Variants in MYRFL observed in about 807,000 individuals in gnomAD.
The protein encoded by MYRFL is myelin regulatory factor like.
MYRFL carries 88 observed loss-of-function variants against 109.4 expected under a neutral mutation model. The ratio of observed to expected loss-of-function variants is 0.80; its 90% CI spans 0.68 to 0.96. The LOEUF is 0.96. Among genes scored for constraint, MYRFL ranks in the 40% least tolerant of loss-of-function variants. MYRFL has a pLI of 0.00. For synonymous variants in MYRFL, 324 were observed against 320.9 expected (o/e 1.01, Z -0.10); for missense variants, 957 against 954.9 (o/e 1.00, Z -0.03).
intron 23 of MYRFL, 126 bp from the exon 24 acceptor site, chr12:69,958,123 C>A: frequency 8.6e-7 from 1 of 1,163,326 alleles, no homozygotes; most frequent in African/African-American, 1.5e-5. Flanking sequence ...CTAGCAACAC[C>A]CATCAAAAGC....
chr12:69,943,582 A>G (rs547386413), intron 19 of MYRFL, among the ~76,000 whole-genome samples: 15 of 151,848 alleles, frequency 9.9e-5, no homozygotes, highest in Admixed American at 2.6e-4. Context: ...TAAAAACCCT[A>G]GAAGAAAACC....
chr12:69,851,156 T>C (rs1297766750), intron 1 of MYRFL, among the ~76,000 whole-genome samples: 3 of 152,230 alleles, frequency 2.0e-5, no homozygotes, highest in African/African-American at 4.8e-5. Flanking sequence ...AACTAGCCTG[T>C]ACTTTTTGAA....
At chr12:69,850,518 G>A (rs1683791703) in intron 1 of MYRFL, among the ~76,000 whole-genome samples, 1 of 151,960 alleles carries the variant, frequency 6.6e-6, no homozygotes, top group African/African-American at 2.4e-5. Flanking sequence ...TAAGGAAAGG[G>A]GATTTAGAAA....
intron 22 of MYRFL, 30 bp downstream of exon 22, chr12:69,955,467 A>G (rs1956072144): frequency 3.6e-6 from 2 of 563,312 alleles, no homozygotes; most frequent in South Asian, 2.5e-5. Flanking sequence ...AAACAATTTC[A>G]TTTTTATCAT....
chr12:69,927,052 C>G (rs1955119649), intron 14 of MYRFL, among the ~76,000 whole-genome samples: 2 of 143,902 alleles, frequency 1.4e-5, no homozygotes, highest in Non-Finnish European at 3.0e-5. Context: ...TCAAGGGATT[C>G]TCCTGCCTCA....
intron 7 of MYRFL, among the ~76,000 whole-genome samples, chr12:69,892,017 G>A (rs903233820): frequency 3.3e-5 from 5 of 151,990 alleles, no homozygotes; most frequent in African/African-American, 9.7e-5. Flanking sequence ...AAAATGGCAC[G>A]GCATCATTCA....
At chr12:69,957,773 G>A in intron 22 of MYRFL, 49 bp from the exon 23 acceptor site, 1 of 1,495,524 alleles carries the variant, frequency 6.7e-7, no homozygotes, top group Non-Finnish European at 8.9e-7. Context: ...CCTAGTAGAA[G>A]CTGGTAACTG....
Position 69,936,078 on chromosome 12 carries a change from G to GTTTTTTTTTTTTTTTTT in MYRFL, c.1917-22_1917-6dup. 1.8e-5 allele frequency: 16 copies of GTTTTTTTTTTTTTTTTT among 891,622 alleles called. 4 individuals are homozygous for GTTTTTTTTTTTTTTTTT. Among genetic ancestry groups the GTTTTTTTTTTTTTTTTT allele is most frequent in the Admixed American group, 1.0e-4 (2 of 19,484 alleles). 55.2% of individuals were successfully genotyped at this position (891,622 alleles called of 1,614,324 possible). A position where few individuals can be genotyped will look rare whatever the true frequency, so the allele number is the denominator to read the frequency against. ...TCTGGAAACAAATCTGCCACATAAT[G>GTTTTTTTTTTTTTTTTT]TTTTTTTTTTTTTTTTTTTTTTTTT... is the stretch of plus-strand genomic sequence containing the variant. On this transcript the variant is annotated intron_variant, in intron 16 of 24. Coordinates refer to ENST00000552032, the MANE Select transcript of MYRFL (RefSeq NM_182530.3).
At chr12:69,909,933 A>G (rs1250379361) in intron 11 of MYRFL, 36 bp from the exon 12 acceptor site, 1 of 1,390,704 alleles carries the variant, frequency 7.2e-7, no homozygotes, top group African/African-American at 1.4e-5. Context: ...GCAAATATCT[A>G]TGCGAGTAAA....
chr12:69,952,055 G>A (rs1451163529), intron 19 of MYRFL, 58 bp from the exon 20 acceptor site: 6 of 1,435,372 alleles, frequency 4.2e-6, no homozygotes, highest in Non-Finnish European at 5.7e-6. Flanking sequence ...TCACACATGG[G>A]GTTTCTTCTC....
chr12:69,880,783 T>C (rs1431319913), intron 5 of MYRFL, among the ~76,000 whole-genome samples: 1 of 152,186 alleles, frequency 6.6e-6, no homozygotes, highest in African/African-American at 2.4e-5. Context: ...GAAGGCACTC[T>C]GAGAAGCAAG....
In MYRFL at chr12:69,846,106, CTTTTTTTTTTTTTT is replaced by C. The variant is rs60251292; in HGVS notation, c.47-9160_47-9147del. Among the ~76,000 whole-genome samples, 15 of 61,724 alleles carry C rather than the reference CTTTTTTTTTTTTTT, an allele frequency of 2.4e-4. No individual in the cohort carries two copies. In the South Asian group the frequency reaches 5.5e-3, roughly 23 times the overall value. 40.5% of individuals were successfully genotyped at this position (61,724 alleles called of 152,430 possible). On this transcript the variant is annotated intron_variant, in intron 1 of 24. Transcript: ENST00000552032. The stretch of plus-strand genomic sequence containing the variant: ...CTTTTAGATATTGGCTATTGACTAT[CTTTTTTTTTTTTTT>C]TTTTTTTTTTTTTATGACTGCCACA...
At chr12:69,908,698 G>A (rs11177960) in intron 11 of MYRFL, among the ~76,000 whole-genome samples, 24,501 of 152,086 alleles carry the variant, frequency 0.16, 2,312 homozygotes, top group Non-Finnish European at 0.22. Flanking sequence ...ATATGATTAC[G>A]TATGTATCTA....
chr12:69,936,318 C>T lies in MYRFL; in HGVS notation c.2027C>T (p.Pro676Leu), dbSNP rs1351414089. The stretch of plus-strand genomic sequence containing the variant: ...AGCTCACAGGAGCCAGCTCTGCTGC[C>T]CACAGCCTCCTCCTCAGGTAAAGGC... ...ITSSQEPALLPTASSSAPNTS... is the reference protein window; with the variant it reads ...ITSSQEPALLLTASSSAPNTS... The change falls in exon 18 of 25, where the codon CCC (proline) becomes CTC (leucine). Residue 676 changes from proline (P) to leucine (L), a missense_variant. Coordinates refer to ENST00000552032, the MANE Select transcript of MYRFL (RefSeq NM_182530.3). The T allele has an allele frequency of 6.5e-7, 1 of 1,536,160 alleles. No individual in the cohort carries two copies. The highest frequency in any genetic ancestry group is 2.4e-5 in the East Asian group (1 of 40,888).
chr12:69,897,955 G>T (rs530533481), intron 10 of MYRFL, among the ~76,000 whole-genome samples: 70 of 152,356 alleles, frequency 4.6e-4, no homozygotes, highest in African/African-American at 1.6e-3. Flanking sequence ...GGTGGCTGCA[G>T]CTGCAGCTGT....
intron 13 of MYRFL, among the ~76,000 whole-genome samples, chr12:69,920,443 A>G (rs1954874582): frequency 6.6e-6 from 1 of 152,160 alleles, no homozygotes; most frequent in African/African-American, 2.4e-5. Flanking sequence ...CAACACTATG[A>G]CCTTTCAGTG....
At chr12:69,867,775 T>TAGGTGGAGTTCTGTGAGAAGAGC in intron 2 of MYRFL, among the ~76,000 whole-genome samples, 1 of 152,094 alleles carries the variant, frequency 6.6e-6, no homozygotes, top group South Asian at 2.1e-4. Flanking sequence ...CGTGAGAGAG[T>TAGGTGGAGTTCTGTGAGAAGAGC]ACGTGGAGTT....
At chr12:69,930,609 A>C (rs1023082967) in intron 15 of MYRFL, among the ~76,000 whole-genome samples, 1 of 152,052 alleles carries the variant, frequency 6.6e-6, no homozygotes, top group Non-Finnish European at 1.5e-5. Context: ...ACTTGAGCCC[A>C]GGAGTTCAAG....
chr12:69,882,786 C>T (rs561894399), intron 5 of MYRFL, among the ~76,000 whole-genome samples: 8 of 152,142 alleles, frequency 5.3e-5, no homozygotes, highest in Non-Finnish European at 1.0e-4. Context: ...CTTCAATCTT[C>T]TCTTATTTTG....
Sources: gnomAD v4.1 joint callset for allele counts (sites outside exome capture counted in the v4.1 genomes callset) on GRCh38, gnomAD v4.1.1 for gene constraint, MANE v1.5 for transcripts, NCBI Gene and HGNC (gene_info 2026-07-23, HGNC 2026-07-21) for gene names.